Variants in TMC1 observed in about 807,000 individuals in gnomAD.
The protein encoded by TMC1 is transmembrane channel-like protein 1.
TMC1 carries 84 observed loss-of-function variants against 105.8 expected under a neutral mutation model. The ratio of observed to expected loss-of-function variants is 0.79; its 90% CI spans 0.67 to 0.95. The LOEUF (loss-of-function observed/expected upper bound fraction) is 0.95, where lower values mean the gene tolerates loss of function less well. TMC1 is among the 40% of genes least tolerant of loss of function. The pLI is 0.00. For synonymous variants in TMC1, 315 were observed against 311.5 expected (o/e 1.01, Z -0.12); for missense variants, 817 against 914.1 (o/e 0.89, Z 1.37).
chr9:72,825,713 A>C (rs545017893), intron 20 of TMC1, among the ~76,000 whole-genome samples: 1 of 152,286 alleles, frequency 6.6e-6, no homozygotes, highest in South Asian at 2.1e-4. Flanking sequence ...CTGGGGCTGC[A>C]TTGGGGGGTA....
At chr9:72,829,390 C>A (rs1829007146) in intron 21 of TMC1, among the ~76,000 whole-genome samples, 1 of 152,180 alleles carries the variant, frequency 6.6e-6, no homozygotes, top group African/African-American at 2.4e-5. Flanking sequence ...GGTAGAAAAT[C>A]ATGGTGGATA....
At chr9:72,717,105 T>A (rs1461897399) in intron 8 of TMC1, among the ~76,000 whole-genome samples, 1 of 152,126 alleles carries the variant, frequency 6.6e-6, no homozygotes, top group East Asian at 1.9e-4. Flanking sequence ...GTCCAACCAG[T>A]CCCAATGAAA....
intron 5 of TMC1, among the ~76,000 whole-genome samples, chr9:72,668,903 G>A (rs1019773874): frequency 1.3e-5 from 2 of 152,204 alleles, no homozygotes; most frequent in Non-Finnish European, 2.9e-5. Context: ...AAATAGCTAA[G>A]CAGTAACTTC....
intron 5 of TMC1, among the ~76,000 whole-genome samples, chr9:72,670,697 CAG>C (rs1826115578): frequency 6.6e-6 from 1 of 151,984 alleles, no homozygotes; most frequent in African/African-American, 2.4e-5. Flanking sequence ...AATCACGACA[CAG>C]AAGAAATAAA....
At chr9:72,713,066 T>C (rs1265911604) in intron 8 of TMC1, among the ~76,000 whole-genome samples, 2 of 152,206 alleles carry the variant, frequency 1.3e-5, no homozygotes, top group Non-Finnish European at 2.9e-5. Flanking sequence ...GTTTATGTGA[T>C]GGATTACATT....
At chr9:72,547,562 T>C (rs1371750723) in intron 1 of TMC1, among the ~76,000 whole-genome samples, 1 of 152,188 alleles carries the variant, frequency 6.6e-6, no homozygotes, top group African/African-American at 2.4e-5. Flanking sequence ...TGGTGACTAT[T>C]ATGTGAGTTC....
chr9:72,668,649 C>A (rs750581531), intron 5 of TMC1, among the ~76,000 whole-genome samples: 1 of 152,148 alleles, frequency 6.6e-6, no homozygotes, highest in Non-Finnish European at 1.5e-5. Flanking sequence ...AAAGTCCGGT[C>A]CTGAGCTCTA....
At chr9:72,635,213 A>G (rs1264685469) in intron 4 of TMC1, among the ~76,000 whole-genome samples, 1 of 151,818 alleles carries the variant, frequency 6.6e-6, no homozygotes, top group African/African-American at 2.4e-5. Context: ...AGATTGTGTC[A>G]CTGTACTCTG....
At chr9:72,720,913 C>G (rs1045702894) in intron 8 of TMC1, among the ~76,000 whole-genome samples, 1 of 152,128 alleles carries the variant, frequency 6.6e-6, no homozygotes, top group Non-Finnish European at 1.5e-5. Flanking sequence ...ATCAAACATG[C>G]CTATGCATCA....
At chr9:72,799,636 A>G (rs1391895434) in intron 17 of TMC1, among the ~76,000 whole-genome samples, 1 of 152,142 alleles carries the variant, frequency 6.6e-6, no homozygotes, top group Non-Finnish European at 1.5e-5. Flanking sequence ...AGACATGCAC[A>G]TTTCATACAA....
intron 18 of TMC1, among the ~76,000 whole-genome samples, chr9:72,813,623 A>C (rs1177261142): frequency 6.6e-6 from 1 of 152,226 alleles, no homozygotes; most frequent in East Asian, 1.9e-4. Context: ...TTTTAGTACC[A>C]GTCATAGATA....
Position 72,806,728 on chromosome 9 carries a change from T to A in TMC1, c.1695+1218T>A, listed in dbSNP as rs374916628. On this transcript the variant is annotated intron_variant, in intron 18 of 23. Coordinates refer to ENST00000297784, the MANE Select transcript of TMC1 (RefSeq NM_138691.3). ...GATGGTGGCCGGGAAGAGGTGCTCC[T>A]CACTTCCTAGGTGGGATGGCGGCCG... Among the ~76,000 whole-genome samples the A allele has an allele frequency of 4.7e-5, 7 of 150,510 alleles. No homozygotes were observed. The East Asian group carries it at 1.2e-3, about 26-fold the overall frequency.
intron 2 of TMC1, among the ~76,000 whole-genome samples, chr9:72,613,931 A>G (rs541372627): frequency 2.0e-4 from 31 of 152,248 alleles, no homozygotes; most frequent in Admixed American, 1.1e-3. Context: ...AGTCCTTTTC[A>G]TTATATTCTT....
chr9:72,677,129 T>TACACACACACACAC (rs71495332), intron 5 of TMC1, among the ~76,000 whole-genome samples: 31 of 145,224 alleles, frequency 2.1e-4, no homozygotes, highest in South Asian at 1.1e-3. Flanking sequence ...GAACAGAAAT[T>TACACACACACACAC]ACACACACAC....
chr9:72,609,179 C>CCCTTCCCTTCCTTCCTTCCTT (rs1824979159), intron 2 of TMC1, among the ~76,000 whole-genome samples: 1 of 136,058 alleles, frequency 7.3e-6, no homozygotes, highest in East Asian at 2.2e-4. Context: ...CTTCCTCCTT[C>CCCTTCCCTTCCTTCCTTCCTT]CCTTCCTTCC....
intron 2 of TMC1, among the ~76,000 whole-genome samples, chr9:72,583,472 T>C (rs1001853459): frequency 3.2e-4 from 49 of 152,164 alleles, no homozygotes; most frequent in African/African-American, 1.2e-3. Flanking sequence ...TCACTAGCAG[T>C]TCCCAAAACA....
intron 8 of TMC1, among the ~76,000 whole-genome samples, chr9:72,720,325 C>G (rs1481301311): frequency 6.6e-6 from 1 of 152,172 alleles, no homozygotes; most frequent in Admixed American, 6.5e-5. Flanking sequence ...TTAAAATGCT[C>G]AAATCACATG....
intron 2 of TMC1, among the ~76,000 whole-genome samples, chr9:72,591,294 G>A (rs1824636012): frequency 6.6e-6 from 1 of 152,158 alleles, no homozygotes; most frequent in South Asian, 2.1e-4. Flanking sequence ...TAGTAGTTCT[G>A]GCCTTGGCTT....
rs145050489 is a variant in TMC1 at position 72,575,572 on chromosome 9, C to T, written c.-427-2330C>T. Reference sequence around the variant, plus strand: ...AACAATGACAACATTCGGAGCTTCCCAGAAGGTAACAACTATGGGGAGTTT... The same window carrying T: ...AACAATGACAACATTCGGAGCTTCCTAGAAGGTAACAACTATGGGGAGTTT... On this transcript the variant is annotated intron_variant, in intron 1 of 23. Coordinates refer to ENST00000297784, the MANE Select transcript of TMC1 (RefSeq NM_138691.3). Among the ~76,000 whole-genome samples the T allele has an allele frequency of 2.1e-3, 326 of 152,266 alleles. 4 individuals carry two copies. The highest frequency in any genetic ancestry group is 7.4e-3 in the African/African-American group (309 of 41,554).
Sources: gnomAD v4.1 joint callset for allele counts (sites outside exome capture counted in the v4.1 genomes callset) on GRCh38, gnomAD v4.1.1 for gene constraint, MANE v1.5 for transcripts, NCBI Gene and HGNC (gene_info 2026-07-23, HGNC 2026-07-21) for gene names.